Variants in ANKS1B observed in about 807,000 individuals in gnomAD.
ANKS1B encodes the protein ankyrin repeat and sterile alpha motif domain-containing protein 1B.
A neutral mutation model predicts 148.3 loss-of-function variants in ANKS1B; 36 were observed. That is an observed-to-expected ratio of 0.24 (90% confidence interval 0.19 to 0.32). ANKS1B has a LOEUF of 0.32. Among genes scored for constraint, ANKS1B ranks in the 10% least tolerant of loss-of-function variants. The pLI is 1.00. For synonymous variants in ANKS1B, 542 were observed against 560.8 expected (o/e 0.97, Z 0.47); for missense variants, 1,157 against 1,542.6 (o/e 0.75, Z 4.19).
At chr12:99,843,889 C>T (rs1049742318) in intron 1 of ANKS1B, among the ~76,000 whole-genome samples, 4 of 152,172 alleles carry the variant, frequency 2.6e-5, no homozygotes, top group Middle Eastern at 3.4e-3. Context: ...AAAAGCATTC[C>T]TTTTTCTCCA....
intron 4 of ANKS1B, among the ~76,000 whole-genome samples, chr12:99,802,453 T>TA (rs141516905): frequency 6.6e-6 from 1 of 152,100 alleles, no homozygotes; most frequent in Non-Finnish European, 1.5e-5. Flanking sequence ...TTCTCTTTAT[T>TA]AAAAAAATAT....
At chr12:99,067,391 T>A (rs908256463) in intron 16 of ANKS1B, among the ~76,000 whole-genome samples, 20 of 152,184 alleles carry the variant, frequency 1.3e-4, no homozygotes, top group African/African-American at 4.8e-4. Context: ...TTTGACACAT[T>A]GGGCACCTGC....
chr12:99,397,863 G>T (rs1479924563), intron 12 of ANKS1B, among the ~76,000 whole-genome samples: 2 of 152,172 alleles, frequency 1.3e-5, no homozygotes, highest in African/African-American at 4.8e-5. Context: ...GTATGGGAAG[G>T]CCTCTATGAG....
At chr12:99,796,333 GT>G (rs1267704227) in intron 4 of ANKS1B, among the ~76,000 whole-genome samples, 3 of 151,906 alleles carry the variant, frequency 2.0e-5, no homozygotes, top group African/African-American at 7.2e-5. Flanking sequence ...TCCTTTTAAT[GT>G]TTTCAGACCA....
chr12:99,232,086 A>G (rs972658), intron 14 of ANKS1B, among the ~76,000 whole-genome samples: 125,910 of 152,052 alleles, frequency 0.83, 52,500 homozygotes, highest in East Asian at 1. Flanking sequence ...TTAGAAAGCA[A>G]GGCTGTAGGA....
chr12:99,767,515 A>G (rs781422190), intron 8 of ANKS1B, among the ~76,000 whole-genome samples: 3 of 152,160 alleles, frequency 2.0e-5, no homozygotes, highest in Non-Finnish European at 4.4e-5. Flanking sequence ...TAAGAATTGT[A>G]TAGATTGTTT....
At chr12:99,248,053 T>A (rs898206724) in intron 12 of ANKS1B, among the ~76,000 whole-genome samples, 2 of 152,212 alleles carry the variant, frequency 1.3e-5, no homozygotes, top group Non-Finnish European at 2.9e-5. Context: ...GAATGAGGAA[T>A]TATATCATCT....
intron 17 of ANKS1B, among the ~76,000 whole-genome samples, chr12:98,885,970 C>G (rs191153352): frequency 2.0e-5 from 3 of 151,040 alleles, no homozygotes; most frequent in African/African-American, 2.4e-5. Flanking sequence ...AGAAATAGCA[C>G]GGCAGATATG....
chr12:99,831,337 G>A lies in ANKS1B; in HGVS notation c.135-5948C>T, dbSNP rs116553533. Among the ~76,000 whole-genome samples, 255 of 152,010 alleles carry A rather than the reference G, an allele frequency of 1.7e-3. 1 individual carries two copies. The highest frequency in any genetic ancestry group is 5.8e-3 in the African/African-American group (239 of 41,476). On this transcript the variant is annotated intron_variant, in intron 1 of 26. Transcript: ENST00000683438. ...TAGCATGCAGAGCTTATAATAAGCT[G>A]GTGGTGAAAATGTAAATTGGTACAA...
chr12:99,519,677 G>A (rs1246160625), intron 9 of ANKS1B, among the ~76,000 whole-genome samples: 2 of 151,380 alleles, frequency 1.3e-5, no homozygotes, highest in Non-Finnish European at 2.9e-5. Flanking sequence ...TCACCTATTC[G>A]GCCACTCTAT....
At chr12:98,966,539 A>C (rs1248276544) in intron 17 of ANKS1B, among the ~76,000 whole-genome samples, 1 of 152,136 alleles carries the variant, frequency 6.6e-6, no homozygotes, top group African/African-American at 2.4e-5. Flanking sequence ...CCCAGCCATC[A>C]CATTACTGGG....
At chr12:98,987,453 C>T (rs1193642316) in intron 17 of ANKS1B, among the ~76,000 whole-genome samples, 1 of 151,856 alleles carries the variant, frequency 6.6e-6, no homozygotes, top group Admixed American at 6.6e-5. Context: ...GCAATAGTAG[C>T]AAAATAATAA....
chr12:98,965,024 G>T (rs1469978128), intron 17 of ANKS1B, among the ~76,000 whole-genome samples: 2 of 152,052 alleles, frequency 1.3e-5, no homozygotes, highest in South Asian at 2.1e-4. Flanking sequence ...ATTTGCCCAT[G>T]CAATAATGCC....
chr12:99,684,794 T>G (rs1175972915), intron 8 of ANKS1B, among the ~76,000 whole-genome samples: 1 of 152,134 alleles, frequency 6.6e-6, no homozygotes, highest in Non-Finnish European at 1.5e-5. Flanking sequence ...CGGCTTGATC[T>G]TCAACAAAGC....
chr12:99,714,364 C>T (rs1292396157), intron 8 of ANKS1B, among the ~76,000 whole-genome samples: 1 of 152,100 alleles, frequency 6.6e-6, no homozygotes, highest in African/African-American at 2.4e-5. Flanking sequence ...TGTAGTCATA[C>T]CTCATTTTAT....
chr12:99,928,079 A>T (rs2094516941), intron 1 of ANKS1B, among the ~76,000 whole-genome samples: 1 of 151,984 alleles, frequency 6.6e-6, no homozygotes, highest in Non-Finnish European at 1.5e-5. Context: ...ACACTTAATT[A>T]TGAAGTAGTT....
intron 12 of ANKS1B, among the ~76,000 whole-genome samples, chr12:99,286,764 C>T (rs1176861610): frequency 6.6e-6 from 1 of 152,162 alleles, no homozygotes; most frequent in Non-Finnish European, 1.5e-5. Flanking sequence ...CAGCAGTAAC[C>T]AGGCAATCCT....
At chr12:99,066,321 A>G (rs1474435654) in intron 16 of ANKS1B, among the ~76,000 whole-genome samples, 1 of 152,160 alleles carries the variant, frequency 6.6e-6, no homozygotes, top group African/African-American at 2.4e-5. Flanking sequence ...ACTCTGTCTC[A>G]AAAAATAAAA....
Position 99,578,138 on chromosome 12 carries a change from A to G in ANKS1B, c.1273-73497T>C, listed in dbSNP as rs373853892. On this transcript the variant is annotated intron_variant, in intron 9 of 26. Transcript: ENST00000683438. Reference sequence around the variant, plus strand: ...AAACCATATGATTTTGTCAATAGACATGGAAAAAGTCTTTGATAAAATCCA... The same window carrying G: ...AAACCATATGATTTTGTCAATAGACGTGGAAAAAGTCTTTGATAAAATCCA... Among the ~76,000 whole-genome samples, 356 of 152,252 alleles carry G rather than the reference A, an allele frequency of 2.3e-3. 1 individual carries two copies. Among genetic ancestry groups the G allele is most frequent in the African/African-American group, 8.4e-3 (347 of 41,556 alleles).
Sources: gnomAD v4.1 joint callset for allele counts (sites outside exome capture counted in the v4.1 genomes callset) on GRCh38, gnomAD v4.1.1 for gene constraint, MANE v1.5 for transcripts, NCBI Gene and HGNC (gene_info 2026-07-23, HGNC 2026-07-21) for gene names.